The following ADGRB1 variants were observed in gnomAD, a reference collection of about 807,000 sequenced individuals.
ADGRB1 encodes brain-specific angiogenesis inhibitor 1.
A neutral mutation model predicts 175.7 loss-of-function variants in ADGRB1; 36 were observed. The ratio of observed to expected loss-of-function variants is 0.20; its 90% CI spans 0.16 to 0.27. The LOEUF (loss-of-function observed/expected upper bound fraction) is 0.27, where lower values mean the gene tolerates loss of function less well. Ranked by LOEUF, ADGRB1 falls within the 10% of genes least tolerant of loss-of-function variation. The pLI is 1.00. For synonymous variants in ADGRB1, 1,054 were observed against 979.4 expected (o/e 1.08, Z -1.42); for missense variants, 1,731 against 2,255.3 (o/e 0.77, Z 4.71).
intron 18 of ADGRB1, among the ~76,000 whole-genome samples, chr8:142,515,980 G>C (rs1843390094): frequency 6.6e-6 from 1 of 152,242 alleles, no homozygotes; most frequent in Non-Finnish European, 1.5e-5. Flanking sequence ...TGTGGAGGCA[G>C]TGGCTTTTGA....
chr8:142,489,312 C>A, intron 15 of ADGRB1, 24 bp from the exon 16 acceptor site: 1 of 1,611,440 alleles, frequency 6.2e-7, no homozygotes, highest in South Asian at 1.1e-5. Flanking sequence ...GCTCCCCCGA[C>A]ACCTGTGCCT....
intron 23 of ADGRB1, among the ~76,000 whole-genome samples, chr8:142,525,015 G>A (rs559512051): frequency 6.6e-6 from 1 of 152,212 alleles, no homozygotes; most frequent in Admixed American, 6.5e-5. Flanking sequence ...CCCCAGGAGA[G>A]GCCATCCACT....
intron 3 of ADGRB1, 67 bp downstream of exon 3, chr8:142,475,702 G>GC (rs1332898622): frequency 8.3e-7 from 1 of 1,210,142 alleles, no homozygotes; most frequent in African/African-American, 1.6e-5. Flanking sequence ...GGAGGAGAGG[G>GC]GGGTGGGGCC....
chr8:142,460,965 GC>G (rs1839939028), intron 1 of ADGRB1, among the ~76,000 whole-genome samples: 1 of 152,212 alleles, frequency 6.6e-6, no homozygotes, highest in Non-Finnish European at 1.5e-5. Flanking sequence ...GCCACCTCTT[GC>G]CTACAGGGTG....
intron 2 of ADGRB1, among the ~76,000 whole-genome samples, chr8:142,467,298 AGGGGAAGCCTGG>A (rs1840336833): frequency 1.3e-5 from 2 of 152,176 alleles, no homozygotes; most frequent in African/African-American, 2.4e-5. Context: ...GTCAGCCCTG[AGGGGAAGCCTGG>A]GACGGGCTGG....
At chr8:142,516,623 T>TGC (rs1441528422) in intron 18 of ADGRB1, among the ~76,000 whole-genome samples, 8 of 143,638 alleles carry the variant, frequency 5.6e-5, no homozygotes, top group African/African-American at 2.1e-4. Context: ...TGTGTGTGTG[T>TGC]GCATGTGTGC....
At chr8:142,453,826 C>T (rs1461790541) in intron 1 of ADGRB1, among the ~76,000 whole-genome samples, 1 of 152,210 alleles carries the variant, frequency 6.6e-6, no homozygotes, top group Non-Finnish European at 1.5e-5. Flanking sequence ...AGAAGTGGGG[C>T]TTACCCAGGA....
At chr8:142,475,865 G>T (rs543097506) in intron 3 of ADGRB1, among the ~76,000 whole-genome samples, 1 of 147,236 alleles carries the variant, frequency 6.8e-6, no homozygotes, top group African/African-American at 2.4e-5. Context: ...GAATAGGGTG[G>T]GTCTGGGCTC....
At chr8:142,533,601 G>T in intron 25 of ADGRB1, 135 bp downstream of exon 25, 1 of 1,074,480 alleles carries the variant, frequency 9.3e-7, no homozygotes, top group African/African-American at 1.6e-5. Flanking sequence ...ACATCTGCAG[G>T]CCTCGGTGGT....
Position 142,493,313 on chromosome 8 carries a change from C to G in ADGRB1, c.2675+2498C>G, listed in dbSNP as rs1842066863. The stretch of plus-strand genomic sequence containing the variant: ...AGAGCCTGTGCCCTGGGAGCCTTGG[C>G]TTCCTGACCCTATGGCCAGGGTCTG... On this transcript the variant is annotated intron_variant, in intron 17 of 30. Coordinates refer to ENST00000517894, the MANE Select transcript of ADGRB1 (RefSeq NM_001702.3). The surrounding 1 kb of genome is among the most constrained non-coding windows in gnomAD (Gnocchi z 5.0). Among the ~76,000 whole-genome samples, 1 of 152,078 alleles carries G rather than the reference C, an allele frequency of 6.6e-6. No homozygotes were observed. The highest frequency in any genetic ancestry group is 1.5e-5 in the Non-Finnish European group (1 of 68,018).
intron 17 of ADGRB1, among the ~76,000 whole-genome samples, chr8:142,495,456 C>A (rs1476103940): frequency 2.0e-5 from 3 of 152,176 alleles, no homozygotes; most frequent in African/African-American, 7.2e-5. Context: ...AAAATTACCA[C>A]AAACCAGGTG....
intron 25 of ADGRB1, among the ~76,000 whole-genome samples, 180 bp downstream of exon 25, chr8:142,533,646 C>T (rs1844758208): frequency 6.6e-6 from 1 of 152,026 alleles, no homozygotes; most frequent in African/African-American, 2.4e-5. Context: ...GCGTGTCCAC[C>T]CCACTCTCCC....
intron 17 of ADGRB1, among the ~76,000 whole-genome samples, chr8:142,502,323 GTA>G: frequency 8.7e-6 from 1 of 114,820 alleles, no homozygotes; most frequent in African/African-American, 3.3e-5. Flanking sequence ...TGATGGTGGG[GTA>G]GTGATGGTGA....
chr8:142,526,623 G>T lies in ADGRB1; in HGVS notation c.3394G>T (p.Ala1132Ser). 1 of 1,611,078 alleles carries T rather than the reference G, an allele frequency of 6.2e-7. No individual in the cohort carries two copies. The highest frequency in any genetic ancestry group is 1.7e-5 in the Admixed American group (1 of 59,780). Residue 1132 changes from alanine to serine, a missense_variant, in exon 24 of 31, where the codon GCA becomes TCA. By Grantham distance (99) the Ala-to-Ser change is moderately conservative. Coordinates refer to ENST00000517894, the MANE Select transcript of ADGRB1 (RefSeq NM_001702.3). The stretch of plus-strand genomic sequence containing the variant: ...CACGGACAAGAAGCTGAAGGAGCGG[G>T]CAGGGTAGGACCGGGGCTACGCGGC... ...GITDKKLKER[A>S]GASLWSSCVV...
chr8:142,538,922 G>A (rs530450937), intron 26 of ADGRB1, among the ~76,000 whole-genome samples: 2 of 152,294 alleles, frequency 1.3e-5, no homozygotes, highest in African/African-American at 4.8e-5. Context: ...AGAGGAAGCA[G>A]GAGGTCATCA....
At chr8:142,539,464 C>T (rs1215778717) in intron 27 of ADGRB1, 51 bp downstream of exon 27, 2 of 1,577,784 alleles carry the variant, frequency 1.3e-6, no homozygotes, top group Non-Finnish European at 1.7e-6. Flanking sequence ...CCCTGCATGG[C>T]CCCACTCCAC....
chr8:142,520,298 G>A (rs925863595), intron 19 of ADGRB1, among the ~76,000 whole-genome samples: 2 of 151,014 alleles, frequency 1.3e-5, no homozygotes, highest in Non-Finnish European at 3.0e-5. Flanking sequence ...GATGATGATA[G>A]TGGTGCTGAT....
rs1423504057 is a variant in ADGRB1 at position 142,542,414 on chromosome 8, C to T, written c.4180C>T (p.Pro1394Ser). 6.5e-6 allele frequency: 10 copies of T among 1,539,120 alleles called. No homozygotes were observed. The highest frequency in any genetic ancestry group is 8.7e-6 in the Non-Finnish European group (10 of 1,143,120). ...GGCCAGCCTCCCCGCCCGCAGCCCG[C>T]CCTCCCGCCAGCCCCCCAGCGGCGG... ...PEASLPARSP[P>S]SRQPPSGGPP... is the part of the protein sequence containing the mutation. The change falls in exon 28 of 31, where the codon CCC (proline) becomes TCC (serine). Residue 1394 changes from proline (P) to serine (S), a missense_variant. Transcript: ENST00000517894. This position sits in a 1 kb window ranked among gnomAD's most constrained non-coding sequence, Gnocchi z 6.3.
At chr8:142,502,095 C>T (rs377608547) in intron 17 of ADGRB1, among the ~76,000 whole-genome samples, 207 of 4,288 alleles carry the variant, frequency 0.048, 1 homozygote, top group African/African-American at 0.13. Context: ...GTAATGGTTG[C>T]GTGATTTTGA....
Sources: allele counts gnomAD v4.1 joint callset (sites outside exome capture counted in the v4.1 genomes callset), GRCh38; gene constraint gnomAD v4.1.1; non-coding constraint Gnocchi (gnomAD v3.1); transcripts MANE v1.5; gene names NCBI Gene and HGNC (gene_info 2026-07-23, HGNC 2026-07-21).